Variants in CLEC2A observed in about 807,000 individuals in gnomAD.
The protein encoded by CLEC2A is C-type lectin domain family 2 member A, also known as keratinocyte-associated C-type lectin.
In CLEC2A, 19 loss-of-function variants were observed where a neutral mutation model predicts 18.6. The observed-to-expected ratio is 1.02, with a 90% CI of 0.71 to 1.50. CLEC2A has a LOEUF of 1.50. CLEC2A is among the 40% of genes most tolerant of loss of function. CLEC2A has a pLI of 0.00. For synonymous variants in CLEC2A, 74 were observed against 64.0 expected (o/e 1.16, Z -0.75); for missense variants, 190 against 207.9 (o/e 0.91, Z 0.53).
Position 9,932,331 on chromosome 12 carries a change from G to A in CLEC2A, c.-2C>T. ...ATCCCGCAGCTCTGGATTAATCATGGCAAGGCGCTAACCGATGGAGATCAG... is the reference window on the plus strand; with the variant it reads ...ATCCCGCAGCTCTGGATTAATCATGACAAGGCGCTAACCGATGGAGATCAG... On this transcript the variant is annotated 5_prime_UTR_variant, in exon 1 of 5. Coordinates refer to ENST00000455827, the MANE Select transcript of CLEC2A (RefSeq NM_001130711.2). 6.4e-7 allele frequency: 1 copy of A among 1,551,854 alleles called. No individual in the cohort carries two copies. Among genetic ancestry groups the A allele is most frequent in the South Asian group, 1.2e-5 (1 of 84,046 alleles).
At chr12:9,894,066 TTTCTTTCTCTTTCTCTCTTC>T (rs1283837522), downstream of CLEC2A, among the ~76,000 whole-genome samples, 7 of 152,080 alleles carry the variant, frequency 4.6e-5, no homozygotes, top group East Asian at 1.2e-3. Context: ...CTTTCTCTTT[TTTCTTTCTCTTTCTCTCTTC>T]TTCTTTCTCT....
At chr12:9,924,816 C>T (rs776024807) in intron 2 of CLEC2A, among the ~76,000 whole-genome samples, 17 of 152,034 alleles carry the variant, frequency 1.1e-4, no homozygotes, top group African/African-American at 3.1e-4. Flanking sequence ...TTGAGTTAAA[C>T]GCACTTTTAA....
chr12:9,921,154 A>G (rs998293579), intron 3 of CLEC2A, among the ~76,000 whole-genome samples: 1 of 152,192 alleles, frequency 6.6e-6, no homozygotes, highest in Non-Finnish European at 1.5e-5. Flanking sequence ...GTGTTAGTAG[A>G]AGATTACATG....
the CLEC2A span, among the ~76,000 whole-genome samples, chr12:9,880,108 G>A: frequency 1.3e-5 from 2 of 152,236 alleles, no homozygotes; most frequent in Non-Finnish European, 2.9e-5. Context: ...TTCAGGAGAA[G>A]ACTGTGAAAG....
chr12:9,922,977 G>A (rs34881381), intron 2 of CLEC2A, among the ~76,000 whole-genome samples: 11,550 of 152,182 alleles, frequency 0.076, 505 homozygotes, highest in African/African-American at 0.098. Flanking sequence ...CTACTACACA[G>A]GGTGTAAGAT....
chr12:9,899,651 C>T (rs1373146212), intron 4 of CLEC2A, among the ~76,000 whole-genome samples: 1 of 152,210 alleles, frequency 6.6e-6, no homozygotes, highest in Non-Finnish European at 1.5e-5. Flanking sequence ...GCTTTCACCC[C>T]TGAAGCAGGG....
chr12:9,890,215 C>T, the CLEC2A span, among the ~76,000 whole-genome samples: 1 of 152,116 alleles, frequency 6.6e-6, no homozygotes, highest in African/African-American at 2.4e-5. Context: ...CACTATAACT[C>T]CTGCATTTGT....
At chr12:9,898,597 G>T, downstream of CLEC2A, 1 of 261,870 alleles carries the variant, frequency 3.8e-6, no homozygotes, top group Non-Finnish European at 7.3e-6. Flanking sequence ...TGGCATGTTG[G>T]TAAGAATTTA....
chr12:9,915,703 G>C (rs1863059512), intron 4 of CLEC2A, among the ~76,000 whole-genome samples: 1 of 152,098 alleles, frequency 6.6e-6, no homozygotes, highest in Non-Finnish European at 1.5e-5. Flanking sequence ...GGGGCAGTAG[G>C]GGGTGGGAGA....
downstream of CLEC2A, among the ~76,000 whole-genome samples, chr12:9,894,153 T>TCTCTCC (rs536569918): frequency 4.9e-5 from 7 of 144,088 alleles, no homozygotes; most frequent in African/African-American, 1.8e-4. Context: ...TCTCTCTCTC[T>TCTCTCC]CCCTCCCTTC....
downstream of CLEC2A, chr12:9,895,942 C>A (rs1474113126): frequency 1.9e-6 from 2 of 1,048,320 alleles, no homozygotes; most frequent in Non-Finnish European, 2.6e-6. Context: ...TAACAGACAT[C>A]ATCTAAATAG....
chr12:9,921,273 TCTG>T (rs765453022), intron 3 of CLEC2A, among the ~76,000 whole-genome samples: 2 of 152,198 alleles, frequency 1.3e-5, no homozygotes, highest in African/African-American at 2.4e-5. Flanking sequence ...CAGTCAAAAG[TCTG>T]TATATAACTT....
chr12:9,902,621 GCT>G (rs1565526794), intron 4 of CLEC2A, among the ~76,000 whole-genome samples: 1 of 149,260 alleles, frequency 6.7e-6, no homozygotes, highest in Non-Finnish European at 1.5e-5. Flanking sequence ...TTGTTCTTTC[GCT>G]CTTTGCAATA....
intron 4 of CLEC2A, among the ~76,000 whole-genome samples, chr12:9,903,372 C>T (rs111915318): frequency 1.5e-3 from 228 of 152,190 alleles, no homozygotes; most frequent in African/African-American, 5.4e-3. Flanking sequence ...AATAAGCACA[C>T]CTATTATAAC....
intron 2 of CLEC2A, among the ~76,000 whole-genome samples, chr12:9,922,692 C>T (rs901272307): frequency 6.6e-6 from 1 of 152,116 alleles, no homozygotes; most frequent in Admixed American, 6.6e-5. Context: ...TTAGTGAAAC[C>T]TTTGTTTCAT....
intron 3 of CLEC2A, among the ~76,000 whole-genome samples, chr12:9,918,764 C>A (rs1339514000): frequency 6.6e-6 from 1 of 152,158 alleles, no homozygotes; most frequent in Non-Finnish European, 1.5e-5. Context: ...AAACATATGA[C>A]ACTCTGACTA....
chr12:9,927,479 G>C (rs1863294930), intron 1 of CLEC2A, among the ~76,000 whole-genome samples: 1 of 151,926 alleles, frequency 6.6e-6, no homozygotes, highest in South Asian at 2.1e-4. Context: ...ATATATGTAT[G>C]CATGCCTATA....
At position 9,926,230 on chromosome 12, in the gene CLEC2A, C is replaced by A. The variant is rs11053513; in HGVS notation, c.139+30G>T. The A allele has an allele frequency of 1.8e-5, 23 of 1,301,646 alleles. No individual in the cohort carries two copies. In the East Asian group the frequency reaches 4.8e-4, roughly 27 times the overall value. The allele number at this position is 1,301,646 out of a possible 1,614,324, so 80.6% of individuals were successfully genotyped here. ...CATGGACCCTTCAGGAGTGAAGAAC[C>A]ATAGAAAGTGTATGAATTAAACCAC... On this transcript the variant is annotated intron_variant, in intron 2 of 4. Coordinates refer to ENST00000455827, the MANE Select transcript of CLEC2A (RefSeq NM_001130711.2).
intron 4 of CLEC2A, among the ~76,000 whole-genome samples, chr12:9,902,729 T>C (rs1341288397): frequency 6.6e-6 from 1 of 152,022 alleles, no homozygotes; most frequent in African/African-American, 2.4e-5. Flanking sequence ...CAAGGCAATT[T>C]ACTTCTGTAG....
Sources: gnomAD v4.1 joint callset for allele counts (sites outside exome capture counted in the v4.1 genomes callset) on GRCh38, gnomAD v4.1.1 for gene constraint, MANE v1.5 for transcripts, NCBI Gene and HGNC (gene_info 2026-07-23, HGNC 2026-07-21) for gene names.